Variants in ESRRG observed in about 807,000 individuals in gnomAD.
The protein encoded by ESRRG is estrogen-related receptor gamma.
In ESRRG, 13 loss-of-function variants were observed where a neutral mutation model predicts 44.0. The ratio of observed to expected loss-of-function variants is 0.30; its 90% CI spans 0.19 to 0.47. The LOEUF is 0.47. Ranked by LOEUF, ESRRG falls within the 20% of genes least tolerant of loss-of-function variation. The probability of loss-of-function intolerance (pLI) is 1.00; values close to 1 mark genes in which losing one functional copy is unlikely to be tolerated. For missense variants in ESRRG, 395 were observed against 580.6 expected, an observed-to-expected ratio of 0.68 and a Z score of 3.29; for synonymous variants, 215 against 214.6, an observed-to-expected ratio of 1.00 and a Z score of -0.02.
rs141965763 is a variant in ESRRG at position 216,936,957 on chromosome 1, G to A, written c.-14+2625C>T. Among the ~76,000 whole-genome samples, 210 of 152,062 alleles carry A rather than the reference G, an allele frequency of 1.4e-3. 1 individual carries two copies. Among genetic ancestry groups the A allele is most frequent in the African/African-American group, 4.8e-3 (201 of 41,480 alleles). ...ACATACCCAGGGGCAGAACTTAACC[G>A]AGAGGCATTCTCAAGCCATCCTGAA... On this transcript the variant is annotated intron_variant, in intron 2 of 7. Transcript: ENST00000359162.
chr1:216,889,150 T>C (rs563336461), intron 2 of ESRRG, among the ~76,000 whole-genome samples: 1 of 152,304 alleles, frequency 6.6e-6, no homozygotes, highest in South Asian at 2.1e-4. Flanking sequence ...CCTGCGAATG[T>C]AATAAGCGAA....
At chr1:216,537,345 A>G (rs1237557594) in intron 5 of ESRRG, among the ~76,000 whole-genome samples, 2 of 152,094 alleles carry the variant, frequency 1.3e-5, no homozygotes, top group African/African-American at 4.8e-5. Flanking sequence ...CCTAGCCTCT[A>G]GAACCATAAG....
intron 1 of ESRRG, among the ~76,000 whole-genome samples, chr1:217,053,812 T>C (rs2086579847): frequency 1.3e-5 from 2 of 151,936 alleles, no homozygotes; most frequent in South Asian, 4.2e-4. Flanking sequence ...TCACCAGACA[T>C]GGGGGCAACA....
chr1:216,914,471 C>T (rs2060884867), intron 2 of ESRRG, among the ~76,000 whole-genome samples: 2 of 152,024 alleles, frequency 1.3e-5, no homozygotes. Context: ...CATCAGTGGC[C>T]CTGCAACTCT....
chr1:216,984,211 A>AT (rs1194053991), intron 1 of ESRRG, among the ~76,000 whole-genome samples: 4 of 151,962 alleles, frequency 2.6e-5, no homozygotes, highest in Non-Finnish European at 4.4e-5. Context: ...GCAGGAATAT[A>AT]CTCTTCCGTA....
At chr1:216,732,107 A>C (rs1181616583) in intron 2 of ESRRG, among the ~76,000 whole-genome samples, 2 of 143,470 alleles carry the variant, frequency 1.4e-5, no homozygotes, top group Non-Finnish European at 3.1e-5. Context: ...AGAAAATAAA[A>C]AATAAAAAAA....
chr1:216,706,588 T>C lies in ESRRG; in HGVS notation c.56+16656A>G, dbSNP rs575557952. 5.3e-5 allele frequency among the ~76,000 whole-genome samples: 8 copies of C among 152,268 alleles called. No individual in the cohort carries two copies. The South Asian group carries it at 1.5e-3, about 28-fold the overall frequency. ...TTGCATATCACTTGCAATTGGAAAC[T>C]TACAACATCATGATGCCAAGCTATC... On this transcript the variant is annotated intron_variant, in intron 1 of 6. Coordinates refer to ENST00000408911, the MANE Select transcript of ESRRG (RefSeq NM_001438.4).
chr1:216,508,428 A>G (rs574901389), intron 6 of ESRRG, among the ~76,000 whole-genome samples: 9 of 152,338 alleles, frequency 5.9e-5, no homozygotes, highest in African/African-American at 2.2e-4. Flanking sequence ...AATCTGGAAT[A>G]AAGTTGCTTA....
intron 2 of ESRRG, among the ~76,000 whole-genome samples, chr1:216,866,363 C>T (rs1037728853): frequency 1.6e-4 from 24 of 152,000 alleles, no homozygotes; most frequent in African/African-American, 5.6e-4. Flanking sequence ...TTAAGGATTG[C>T]TCTTATTGTT....
chr1:217,107,536 A>T (rs929881028), intron 1 of ESRRG, among the ~76,000 whole-genome samples: 4 of 152,246 alleles, frequency 2.6e-5, no homozygotes, highest in Non-Finnish European at 5.9e-5. Context: ...GGCAACAGAC[A>T]TAGGAAAAGG....
intron 5 of ESRRG, among the ~76,000 whole-genome samples, chr1:216,544,453 C>T (rs2053845567): frequency 6.6e-6 from 1 of 151,958 alleles, no homozygotes; most frequent in African/African-American, 2.4e-5. Flanking sequence ...AGGAGATGCC[C>T]TCCAAGGTTA....
rs565450084 is a variant in ESRRG, at chr1:216,729,437, A to G, written c.-13-51946T>C. Among the ~76,000 whole-genome samples the G allele has an allele frequency of 2.0e-5, 3 of 152,322 alleles. No individual in the cohort carries two copies. The South Asian group carries it at 6.2e-4, about 32-fold the overall frequency. On this transcript the variant is annotated intron_variant, in intron 2 of 7. Transcript: ENST00000359162. ...GAACAGAGAGATGCAAGAGAAAGGC[A>G]TTGTAATTCATTTGGCCTCCATCTC...
At position 217,039,314 on chromosome 1, in the gene ESRRG, T is replaced by A. The variant is rs140133516; in HGVS notation, c.-106+50193A>T. On this transcript the variant is annotated intron_variant, in intron 1 of 7. Transcript: ENST00000359162. ...AGCAACACCCCACTCCTGGTACCAT[T>A]TTACTGTATTAGTGCGTTTTCATGC... 6.6e-3 allele frequency among the ~76,000 whole-genome samples: 1,007 copies of A among 152,222 alleles called. 8 individuals carry two copies. The highest frequency in any genetic ancestry group is 0.023 in the African/African-American group (971 of 41,510).
chr1:217,022,378 C>T (rs936809643), intron 1 of ESRRG, among the ~76,000 whole-genome samples: 1 of 152,202 alleles, frequency 6.6e-6, no homozygotes, highest in Non-Finnish European at 1.5e-5. Context: ...CGATTTAGGG[C>T]CATTCAGAGA....
At chr1:216,601,289 G>T (rs2059210420) in intron 3 of ESRRG, among the ~76,000 whole-genome samples, 1 of 151,950 alleles carries the variant, frequency 6.6e-6, no homozygotes, top group Non-Finnish European at 1.5e-5. Flanking sequence ...GGCTCCCTCC[G>T]CAGACTCCCA....
intron 2 of ESRRG, chr1:216,864,521 C>T (rs578110644): frequency 6.6e-6 from 1 of 151,878 alleles, no homozygotes; most frequent in African/African-American, 2.4e-5. Context: ...TGCTGTAGTG[C>T]TTCACCCAAA....
chr1:216,593,768 C>T (rs1314222898), intron 3 of ESRRG, among the ~76,000 whole-genome samples: 1 of 152,188 alleles, frequency 6.6e-6, no homozygotes, highest in Non-Finnish European at 1.5e-5. Context: ...GGAACAGTTT[C>T]TCCCTCTGTC....
At chr1:216,668,197 T>C (rs2074385855) in intron 2 of ESRRG, among the ~76,000 whole-genome samples, 1 of 152,276 alleles carries the variant, frequency 6.6e-6, no homozygotes, top group East Asian at 1.9e-4. Context: ...ACAGAGACAG[T>C]AGGAAAGAAG....
intron 1 of ESRRG, among the ~76,000 whole-genome samples, chr1:217,131,965 A>T (rs2092972481): frequency 6.6e-6 from 1 of 152,174 alleles, no homozygotes; most frequent in African/African-American, 2.4e-5. Flanking sequence ...TCCTCTAGAC[A>T]CTGACCTCTT....
Sources: allele counts gnomAD v4.1 joint callset (sites outside exome capture counted in the v4.1 genomes callset), GRCh38; gene constraint gnomAD v4.1.1; transcripts MANE v1.5; gene names NCBI Gene and HGNC (gene_info 2026-07-23, HGNC 2026-07-21).